The following DLG2 variants were observed in gnomAD, a reference collection of about 807,000 sequenced individuals.
DLG2 encodes disks large homolog 2.
DLG2 carries 45 observed loss-of-function variants against 132.5 expected under a neutral mutation model. The observed-to-expected ratio is 0.34, with a 90% CI of 0.27 to 0.44. DLG2 has a LOEUF of 0.44. Among genes scored for constraint, DLG2 ranks in the 20% least tolerant of loss-of-function variants. The pLI, the probability that DLG2 is intolerant of heterozygous loss-of-function variation, is 1.00. For synonymous variants in DLG2, 424 were observed against 419.6 expected (o/e 1.01, Z -0.13); for missense variants, 1,045 against 1,196.9 (o/e 0.87, Z 1.87).
At chr11:83,511,081 CACACAG>C (rs1341177652) in intron 21 of DLG2, among the ~76,000 whole-genome samples, 2 of 135,634 alleles carry the variant, frequency 1.5e-5, no homozygotes, top group Non-Finnish European at 3.1e-5. Context: ...CAAACACACA[CACACAG>C]ACACACACAC....
intron 22 of DLG2, among the ~76,000 whole-genome samples, chr11:83,482,742 T>C (rs1293112145): frequency 1.3e-5 from 2 of 152,152 alleles, no homozygotes; most frequent in African/African-American, 4.8e-5. Context: ...AAATTTGCTT[T>C]TAGAGAATGC....
Position 84,704,870 on chromosome 11 carries a change from C to CACACATATATATACACATTATGTATATAT in DLG2, c.358-170168_358-170140dup, listed in dbSNP as rs1047593096. On this transcript the variant is annotated intron_variant, in intron 6 of 27. Coordinates refer to ENST00000376104, the MANE Select transcript of DLG2 (RefSeq NM_001142699.3). ...ATTCATATATATATATACACACACA[C>CACACATATATATACACATTATGTATATAT]ACACATATATATACACATTATGTAT... Among the ~76,000 whole-genome samples, 32 of 149,560 alleles carry CACACATATATATACACATTATGTATATAT rather than the reference C, an allele frequency of 2.1e-4. 1 individual carries two copies. The South Asian group carries it at 4.0e-3, about 19-fold the overall frequency.
chr11:84,711,788 A>T (rs2060481830), intron 6 of DLG2, among the ~76,000 whole-genome samples: 1 of 151,962 alleles, frequency 6.6e-6, no homozygotes, highest in Non-Finnish European at 1.5e-5. Flanking sequence ...ATTTAATCTC[A>T]TCCAGAAACA....
intron 15 of DLG2, among the ~76,000 whole-genome samples, chr11:83,893,338 G>C (rs953185134): frequency 2.0e-5 from 3 of 152,162 alleles, no homozygotes; most frequent in African/African-American, 7.2e-5. Flanking sequence ...CAGTCCCTTT[G>C]AGGGATATCA....
At chr11:84,720,521 C>T in intron 6 of DLG2, 1 of 981,608 alleles carries the variant, frequency 1.0e-6, no homozygotes, top group Non-Finnish European at 1.2e-6. Flanking sequence ...CCGCCGTGGC[C>T]ATCCCGGAGC....
chr11:84,768,725 T>A (rs1284939126), intron 6 of DLG2, among the ~76,000 whole-genome samples: 1 of 151,750 alleles, frequency 6.6e-6, no homozygotes, highest in Admixed American at 6.6e-5. Flanking sequence ...TGAAAAAAAA[T>A]GTAGATGATT....
Position 85,313,051 on chromosome 11 carries a change from G to A in DLG2, c.41-27686C>T, listed in dbSNP as rs556317953. Among the ~76,000 whole-genome samples, 6 of 151,960 alleles carry A rather than the reference G, an allele frequency of 3.9e-5. No individual in the cohort carries two copies. In the South Asian group the frequency reaches 6.2e-4, roughly 16 times the overall value. ...ATAACTGAATTATGGCTTTTGAGACGAGACCATACATGATGTGTGTCACAT... is the reference window on the plus strand; with the variant it reads ...ATAACTGAATTATGGCTTTTGAGACAAGACCATACATGATGTGTGTCACAT... On this transcript the variant is annotated intron_variant, in intron 3 of 27. Coordinates refer to ENST00000376104, the MANE Select transcript of DLG2 (RefSeq NM_001142699.3).
chr11:84,908,122 T>C (rs2091720910), intron 6 of DLG2, among the ~76,000 whole-genome samples: 1 of 151,982 alleles, frequency 6.6e-6, no homozygotes, highest in Non-Finnish European at 1.5e-5. Context: ...ACAACAGCAA[T>C]GTCTAAAAAA....
chr11:85,010,120 A>G (rs1163922646), intron 6 of DLG2, among the ~76,000 whole-genome samples: 1 of 152,136 alleles, frequency 6.6e-6, no homozygotes, highest in African/African-American at 2.4e-5. Flanking sequence ...CATATAGTAC[A>G]AAGATCAATG....
At chr11:83,590,703 C>T (rs918659582) in intron 19 of DLG2, among the ~76,000 whole-genome samples, 2 of 152,132 alleles carry the variant, frequency 1.3e-5, no homozygotes, top group African/African-American at 2.4e-5. Flanking sequence ...AATCCAGGAG[C>T]TGGTTTTTTG....
At chr11:84,256,091 T>A (rs188998607) in intron 7 of DLG2, among the ~76,000 whole-genome samples, 6 of 152,262 alleles carry the variant, frequency 3.9e-5, no homozygotes, top group African/African-American at 1.4e-4. Flanking sequence ...TGTTCTCAGA[T>A]TACATGAACA....
At chr11:85,049,036 C>T (rs1160276522) in intron 6 of DLG2, among the ~76,000 whole-genome samples, 1 of 151,962 alleles carries the variant, frequency 6.6e-6, no homozygotes, top group Non-Finnish European at 1.5e-5. Context: ...TTGCTTTGTT[C>T]TTCAAGTACT....
At chr11:84,024,961 T>A (rs533640883) in intron 11 of DLG2, among the ~76,000 whole-genome samples, 127 of 152,276 alleles carry the variant, frequency 8.3e-4, no homozygotes, top group African/African-American at 3.0e-3. Flanking sequence ...AGCTTAATTG[T>A]TCCACATTGT....
chr11:83,706,133 G>A (rs566867281), intron 18 of DLG2, among the ~76,000 whole-genome samples: 1,622 of 151,512 alleles, frequency 0.011, 13 homozygotes, highest in Non-Finnish European at 0.018. Context: ...CAGGAGAATC[G>A]CTTGAACCCG....
At chr11:84,741,459 A>C (rs1230735619) in intron 6 of DLG2, among the ~76,000 whole-genome samples, 2 of 152,046 alleles carry the variant, frequency 1.3e-5, no homozygotes, top group Non-Finnish European at 2.9e-5. Flanking sequence ...TGATCTAAGA[A>C]ACAACCTAAT....
At chr11:84,550,326 G>A (rs1026042557) in intron 6 of DLG2, among the ~76,000 whole-genome samples, 1 of 152,022 alleles carries the variant, frequency 6.6e-6, no homozygotes, top group East Asian at 1.9e-4. Flanking sequence ...TCTTGATCCA[G>A]TGCCTTTTCT....
chr11:84,468,518 T>C (rs1015801712), intron 7 of DLG2, among the ~76,000 whole-genome samples: 2 of 151,536 alleles, frequency 1.3e-5, no homozygotes, highest in African/African-American at 2.4e-5. Context: ...GGACTCCAAA[T>C]ACCACATTCT....
chr11:84,289,898 G>A (rs563043096), intron 7 of DLG2, among the ~76,000 whole-genome samples: 2 of 152,206 alleles, frequency 1.3e-5, no homozygotes, highest in Non-Finnish European at 2.9e-5. Context: ...CCGTTTTCTG[G>A]ATGGTCAGGC....
intron 6 of DLG2, among the ~76,000 whole-genome samples, chr11:85,004,250 G>C (rs565111441): frequency 3.9e-5 from 6 of 152,304 alleles, no homozygotes; most frequent in African/African-American, 1.4e-4. Flanking sequence ...TGGGATTGCT[G>C]AGGCAAATGG....
Sources: allele counts gnomAD v4.1 joint callset (sites outside exome capture counted in the v4.1 genomes callset), GRCh38; gene constraint gnomAD v4.1.1; transcripts MANE v1.5; gene names NCBI Gene and HGNC (gene_info 2026-07-23, HGNC 2026-07-21).